The following EBF2 variants were observed in gnomAD, a reference collection of about 807,000 sequenced individuals.
EBF2 encodes the protein transcription factor COE2.
EBF2 carries 21 observed loss-of-function variants against 72.8 expected under a neutral mutation model. The ratio of observed to expected loss-of-function variants is 0.29; its 90% CI spans 0.20 to 0.42. The LOEUF is 0.42. Ranked by LOEUF, EBF2 falls within the 10% of genes least tolerant of loss-of-function variation. The pLI is 1.00. For missense variants in EBF2, 637 were observed against 731.2 expected (o/e 0.87, Z 1.49); for synonymous variants, 299 against 274.2 (o/e 1.09, Z -0.89).
At chr8:25,968,250 C>A (rs551612068) in intron 6 of EBF2, among the ~76,000 whole-genome samples, 3 of 151,692 alleles carry the variant, frequency 2.0e-5, no homozygotes, top group South Asian at 4.2e-4. Context: ...CAAAGCAGTG[C>A]GATTCACCAT....
At chr8:26,040,897 G>T (rs765307834) in intron 3 of EBF2, 42 bp downstream of exon 3, 4 of 1,613,006 alleles carry the variant, frequency 2.5e-6, no homozygotes, top group Non-Finnish European at 3.4e-6. Context: ...CCCGGAAGCC[G>T]GCTGCTAGGC....
chr8:25,971,634 T>C (rs961682935), intron 6 of EBF2, among the ~76,000 whole-genome samples: 4 of 152,186 alleles, frequency 2.6e-5, no homozygotes, highest in Admixed American at 6.5e-5. Flanking sequence ...GGTTAATGCT[T>C]GTCACACTTG....
chr8:25,952,644 A>G (rs977805977), intron 6 of EBF2, among the ~76,000 whole-genome samples: 2 of 152,062 alleles, frequency 1.3e-5, no homozygotes, highest in African/African-American at 4.8e-5. Flanking sequence ...TCTCCCCCCT[A>G]CACTTCATGT....
intron 6 of EBF2, among the ~76,000 whole-genome samples, chr8:25,989,056 G>A (rs1208600104): frequency 6.6e-6 from 1 of 152,218 alleles, no homozygotes; most frequent in Non-Finnish European, 1.5e-5. Context: ...GGCAACCTAG[G>A]CTCTGTCACT....
chr8:25,992,080 G>C (rs929288401), intron 6 of EBF2, among the ~76,000 whole-genome samples: 1 of 151,674 alleles, frequency 6.6e-6, no homozygotes, highest in African/African-American at 2.4e-5. Context: ...ACTCAGGCTA[G>C]AGTGCAGTGG....
At chr8:25,862,551 A>G (rs750834166) in intron 11 of EBF2, among the ~76,000 whole-genome samples, 158 bp downstream of exon 11, 3 of 152,204 alleles carry the variant, frequency 2.0e-5, no homozygotes, top group Non-Finnish European at 4.4e-5. Flanking sequence ...AGACCATAAT[A>G]TATTTCATAG....
chr8:25,941,660 C>T (rs547565195), intron 6 of EBF2, among the ~76,000 whole-genome samples: 4 of 152,254 alleles, frequency 2.6e-5, no homozygotes, highest in East Asian at 1.9e-4. Flanking sequence ...CCCTAAGCTA[C>T]GGAGGAGTGT....
chr8:25,849,850 G>A (rs1473697572), intron 15 of EBF2, among the ~76,000 whole-genome samples: 1 of 152,156 alleles, frequency 6.6e-6, no homozygotes, highest in Non-Finnish European at 1.5e-5. Flanking sequence ...CATGTAACCA[G>A]AATTCTCAGA....
At chr8:25,845,869 A>C (rs1235976458) in intron 15 of EBF2, among the ~76,000 whole-genome samples, 2 of 152,236 alleles carry the variant, frequency 1.3e-5, no homozygotes, top group East Asian at 3.8e-4. Flanking sequence ...ATATAATAGA[A>C]GCATTTTGCT....
chr8:25,944,947 T>C (rs1803741271), intron 6 of EBF2, among the ~76,000 whole-genome samples: 1 of 152,056 alleles, frequency 6.6e-6, no homozygotes, highest in South Asian at 2.1e-4. Context: ...AGGACTGCTC[T>C]TGACAAAGTT....
At chr8:25,929,443 A>C (rs753353232) in intron 6 of EBF2, among the ~76,000 whole-genome samples, 1 of 152,204 alleles carries the variant, frequency 6.6e-6, no homozygotes, top group Non-Finnish European at 1.5e-5. Context: ...GCTTATTGAG[A>C]GCAGACACTC....
chr8:25,881,545 G>T lies in EBF2; in HGVS notation c.1009+5210C>A, dbSNP rs116297758. Among the ~76,000 whole-genome samples, 744 of 152,326 alleles carry T rather than the reference G, an allele frequency of 4.9e-3. 9 individuals are homozygous for T. The highest frequency in any genetic ancestry group is 0.016 in the African/African-American group (686 of 41,582). On this transcript the variant is annotated intron_variant, in intron 10 of 15. Coordinates refer to ENST00000520164, the MANE Select transcript of EBF2 (RefSeq NM_022659.4). ...AGGCTAATGGTAATGACACAGAAGT[G>T]CTGGGAAGGGAAGGGCGTGGTACCT...
chr8:25,910,001 G>C (rs1193365334), intron 6 of EBF2, among the ~76,000 whole-genome samples: 1 of 152,120 alleles, frequency 6.6e-6, no homozygotes, highest in Non-Finnish European at 1.5e-5. Flanking sequence ...TTTGCTTCCT[G>C]TGCCCCGGAG....
intron 6 of EBF2, among the ~76,000 whole-genome samples, chr8:25,985,585 G>T (rs7012674): frequency 0.089 from 13,555 of 152,124 alleles, 2,043 homozygotes; most frequent in African/African-American, 0.31. Context: ...ACAAAGTGTT[G>T]GACCAGATAT....
At chr8:25,901,400 CAA>C (rs1312483534) in intron 7 of EBF2, among the ~76,000 whole-genome samples, 2 of 124,652 alleles carry the variant, frequency 1.6e-5, no homozygotes, top group African/African-American at 6.2e-5. Flanking sequence ...CCAGCTTGAG[CAA>C]AAGAGTGACA....
chr8:26,029,544 C>A lies in EBF2; in HGVS notation c.551+3541G>T, dbSNP rs1238212082. ...GGTGGTGAAAAGTTGGGGAACCATC[C>A]TCTCCCTCTCCCTGGAACATGCACA... On this transcript the variant is annotated intron_variant, in intron 6 of 15. Transcript: ENST00000520164. Among the ~76,000 whole-genome samples the A allele has an allele frequency of 5.3e-5, 8 of 152,124 alleles. No individual in the cohort carries two copies. In the East Asian group the frequency reaches 1.5e-3, roughly 29 times the overall value.
At chr8:26,012,015 G>T (rs1805032739) in intron 6 of EBF2, among the ~76,000 whole-genome samples, 1 of 152,068 alleles carries the variant, frequency 6.6e-6, no homozygotes, top group African/African-American at 2.4e-5. Flanking sequence ...CTGAAGCAGG[G>T]AGAGAAACTT....
chr8:26,040,708 G>A (rs764866287), intron 3 of EBF2, 37 bp from the exon 4 acceptor site: 2 of 1,550,504 alleles, frequency 1.3e-6, no homozygotes, highest in Non-Finnish European at 1.7e-6. Flanking sequence ...AAGGGCCGTA[G>A]AGCCCCTTCC....
intron 6 of EBF2, among the ~76,000 whole-genome samples, chr8:26,013,795 A>C (rs77506904): frequency 0.011 from 1,611 of 152,260 alleles, 19 homozygotes; most frequent in South Asian, 0.026. Context: ...ACAGTGTAAA[A>C]TTCTCTCCCT....
Sources: gnomAD v4.1 joint callset for allele counts (sites outside exome capture counted in the v4.1 genomes callset) on GRCh38, gnomAD v4.1.1 for gene constraint, MANE v1.5 for transcripts, NCBI Gene and HGNC (gene_info 2026-07-23, HGNC 2026-07-21) for gene names.